The following DYM variants were observed in gnomAD, a reference collection of about 807,000 sequenced individuals.
DYM encodes the protein dymeclin, also known as dyggve-Melchior-Clausen syndrome protein.
A neutral mutation model predicts 93.1 loss-of-function variants in DYM; 78 were observed. That is an observed-to-expected ratio of 0.84 (90% confidence interval 0.70 to 1.01). The LOEUF (loss-of-function observed/expected upper bound fraction) is 1.01. Among genes scored for constraint, DYM ranks in the 50% least tolerant of loss-of-function variants. DYM has a pLI of 0.00. For synonymous variants in DYM, 321 were observed against 319.7 expected (o/e 1.00, Z -0.04); for missense variants, 789 against 845.0 (o/e 0.93, Z 0.82).
At chr18:49,189,273 G>C (rs2090746025) in intron 14 of DYM, among the ~76,000 whole-genome samples, 2 of 152,130 alleles carry the variant, frequency 1.3e-5, no homozygotes, top group Admixed American at 6.5e-5. Flanking sequence ...ATATATCCTT[G>C]TAACAAACCT....
At chr18:49,213,863 T>C (rs1318678125) in intron 13 of DYM, among the ~76,000 whole-genome samples, 2 of 152,214 alleles carry the variant, frequency 1.3e-5, no homozygotes, top group African/African-American at 2.4e-5. Flanking sequence ...CAAAATTTAC[T>C]ATTTGGCATA....
chr18:49,149,762 A>T (rs552579781), intron 15 of DYM, among the ~76,000 whole-genome samples: 2 of 125,962 alleles, frequency 1.6e-5, no homozygotes, highest in African/African-American at 6.1e-5. Flanking sequence ...GCTAGAGTCC[A>T]GTGGCACAAT....
rs541007751 is a variant in DYM, at chr18:49,349,429, T to G, written c.494+13732A>C. 7.5e-4 allele frequency among the ~76,000 whole-genome samples: 114 copies of G among 152,210 alleles called. 2 individuals carry two copies. Among genetic ancestry groups the G allele is most frequent in the African/African-American group, 2.7e-3 (113 of 41,536 alleles). ...ACAGATTGAAAAGATGGACATATAATGATAAAGCAAATATTCCAAAATTGT... is the reference window on the plus strand; with the variant it reads ...ACAGATTGAAAAGATGGACATATAAGGATAAAGCAAATATTCCAAAATTGT... On this transcript the variant is annotated intron_variant, in intron 6 of 17. Transcript: ENST00000675505.
intron 6 of DYM, among the ~76,000 whole-genome samples, chr18:49,338,477 T>C (rs2063834665): frequency 6.6e-6 from 1 of 152,104 alleles, no homozygotes; most frequent in Admixed American, 6.5e-5. Context: ...CAATAAAGAA[T>C]GAAGAGGGGC....
intron 8 of DYM, among the ~76,000 whole-genome samples, chr18:49,315,523 A>G (rs902660869): frequency 6.6e-6 from 1 of 152,184 alleles, no homozygotes; most frequent in African/African-American, 2.4e-5. Flanking sequence ...CTTTCCACCT[A>G]TCTTTGCCCA....
At chr18:49,359,200 A>G (rs949823706) in intron 6 of DYM, among the ~76,000 whole-genome samples, 8 of 152,216 alleles carry the variant, frequency 5.3e-5, no homozygotes, top group African/African-American at 1.2e-4. Flanking sequence ...ACTGAGACAC[A>G]GGGAAGGTAT....
chr18:49,424,633 T>C (rs1159941131), intron 2 of DYM, among the ~76,000 whole-genome samples: 1 of 152,128 alleles, frequency 6.6e-6, no homozygotes, highest in African/African-American at 2.4e-5. Flanking sequence ...TGATTGTATA[T>C]TTAGAAAACT....
chr18:49,297,962 G>A (rs2060662294), intron 8 of DYM, among the ~76,000 whole-genome samples: 1 of 152,078 alleles, frequency 6.6e-6, no homozygotes, highest in Admixed American at 6.5e-5. Flanking sequence ...ATGTAAAACA[G>A]TAACATACAC....
At chr18:49,427,478 CTT>C (rs1171680525) in intron 2 of DYM, among the ~76,000 whole-genome samples, 2 of 151,866 alleles carry the variant, frequency 1.3e-5, no homozygotes, top group Admixed American at 6.6e-5. Context: ...ATTAAAACAA[CTT>C]TAATTTAAAT....
chr18:49,379,315 G>A (rs992437498), intron 4 of DYM, among the ~76,000 whole-genome samples: 3 of 152,024 alleles, frequency 2.0e-5, no homozygotes, highest in African/African-American at 7.2e-5. Context: ...TGCAACAGAT[G>A]TAGAATGAAA....
intron 1 of DYM, among the ~76,000 whole-genome samples, chr18:49,447,111 G>T (rs1029082913): frequency 5.9e-5 from 9 of 151,994 alleles, no homozygotes; most frequent in Middle Eastern, 3.2e-3. Flanking sequence ...GGTTGGCCTG[G>T]GTGGATGTGG....
chr18:49,119,318 T>C (rs1333817243), intron 15 of DYM, among the ~76,000 whole-genome samples: 1 of 152,158 alleles, frequency 6.6e-6, no homozygotes, highest in Admixed American at 6.5e-5. Context: ...CCAAGAAAAA[T>C]GCCTAATTCA....
At chr18:49,293,075 T>G (rs1411503302) in intron 8 of DYM, among the ~76,000 whole-genome samples, 2 of 152,052 alleles carry the variant, frequency 1.3e-5, no homozygotes, top group Non-Finnish European at 2.9e-5. Context: ...GATCATGAAG[T>G]GTTTGGTTTT....
chr18:49,202,591 C>A (rs1301572122), intron 14 of DYM, among the ~76,000 whole-genome samples: 2 of 125,442 alleles, frequency 1.6e-5, no homozygotes, highest in African/African-American at 6.2e-5. Flanking sequence ...AAGTGAGGAG[C>A]GTCTCTGCCC....
intron 8 of DYM, among the ~76,000 whole-genome samples, chr18:49,294,748 TAACA>T (rs1294833305): frequency 6.6e-6 from 1 of 152,062 alleles, no homozygotes; most frequent in East Asian, 1.9e-4. Context: ...TTCTTACATC[TAACA>T]AACATATTAC....
At chr18:49,441,954 T>A (rs539284149) in intron 1 of DYM, among the ~76,000 whole-genome samples, 1 of 152,110 alleles carries the variant, frequency 6.6e-6, no homozygotes, top group African/African-American at 2.4e-5. Flanking sequence ...AACAAGAGAA[T>A]GAAGATAAAG....
intron 3 of DYM, among the ~76,000 whole-genome samples, chr18:49,388,500 C>A (rs573034086): frequency 1.3e-5 from 2 of 151,720 alleles, no homozygotes; most frequent in Non-Finnish European, 2.9e-5. Flanking sequence ...GTGTAACAAG[C>A]GTCCCAGGAG....
At chr18:49,417,754 A>T (rs1303303149) in intron 2 of DYM, among the ~76,000 whole-genome samples, 2 of 152,232 alleles carry the variant, frequency 1.3e-5, no homozygotes, top group Non-Finnish European at 1.5e-5. Flanking sequence ...ATATTTCACC[A>T]TACTTGTTTG....
At chr18:49,119,227 C>G (rs544286192) in intron 15 of DYM, among the ~76,000 whole-genome samples, 1 of 152,214 alleles carries the variant, frequency 6.6e-6, no homozygotes, top group East Asian at 1.9e-4. Context: ...TTAATAGATC[C>G]ATATTGGTAT....
Sources: gnomAD v4.1 joint callset for allele counts (sites outside exome capture counted in the v4.1 genomes callset) on GRCh38, gnomAD v4.1.1 for gene constraint, MANE v1.5 for transcripts, NCBI Gene and HGNC (gene_info 2026-07-23, HGNC 2026-07-21) for gene names.